KAZN: variants seen among roughly 807,000 people sequenced by gnomAD.
The protein encoded by KAZN is kazrin, periplakin interacting protein.
KAZN carries 40 observed loss-of-function variants against 87.4 expected under a neutral mutation model. The observed-to-expected ratio is 0.46, with a 90% CI of 0.36 to 0.60. The LOEUF is 0.60. Ranked by LOEUF, KAZN falls within the 20% of genes least tolerant of loss-of-function variation. KAZN has a pLI of 0.00. For synonymous variants in KAZN, 466 were observed against 458.3 expected (o/e 1.02, Z -0.22); for missense variants, 898 against 1,073.9 (o/e 0.84, Z 2.29).
chr1:14,120,184 G>C (rs1324690823), intron 1 of KAZN, among the ~76,000 whole-genome samples: 2 of 152,176 alleles, frequency 1.3e-5, no homozygotes, highest in African/African-American at 4.8e-5. Flanking sequence ...GCTGGCATCT[G>C]CTTGGCTTCT....
At chr1:14,312,735 A>G (rs922915849) in intron 2 of KAZN, among the ~76,000 whole-genome samples, 30 of 152,102 alleles carry the variant, frequency 2.0e-4, no homozygotes, top group African/African-American at 7.0e-4. Flanking sequence ...GGTGACTTCC[A>G]TCTTGGTGGC....
chr1:14,914,879 T>G (rs1022016369), intron 1 of KAZN, among the ~76,000 whole-genome samples: 2 of 152,216 alleles, frequency 1.3e-5, no homozygotes, highest in African/African-American at 4.8e-5. Context: ...ACTTACATAG[T>G]ACTTCTGGGG....
chr1:13,998,612 TAA>T (rs35049867), intron 1 of KAZN, among the ~76,000 whole-genome samples: 4 of 131,354 alleles, frequency 3.0e-5, no homozygotes, highest in Admixed American at 7.5e-5. Flanking sequence ...CCAAGAAAGA[TAA>T]AAAAAAAAAA....
At chr1:14,200,390 G>C (rs1392835236) in intron 2 of KAZN, among the ~76,000 whole-genome samples, 1 of 151,992 alleles carries the variant, frequency 6.6e-6, no homozygotes, top group Non-Finnish European at 1.5e-5. Context: ...AATTTCTATA[G>C]TATGTTATTT....
intron 1 of KAZN, among the ~76,000 whole-genome samples, chr1:14,628,967 C>T (rs1679354716): frequency 1.3e-5 from 2 of 151,968 alleles, no homozygotes; most frequent in South Asian, 4.2e-4. Flanking sequence ...CTGCCTCAGC[C>T]TCCCGAGTAG....
chr1:15,112,462 C>T lies in KAZN; in HGVS notation c.2084C>T (p.Thr695Met), dbSNP rs200310951. The T allele has an allele frequency of 5.0e-6, 8 of 1,606,854 alleles. No individual in the cohort carries two copies. Among genetic ancestry groups the T allele is most frequent in the Middle Eastern group, 1.7e-4 (1 of 6,034 alleles). ...ATCCGGGAGGCTGAGCGTTTTGGAA[C>T]GCCCCCTGGCAGGGCCTCCAGCGTC... ...TGIREAERFG[T>M]PPGRASSVTR... The change falls in exon 14 of 15, where the codon ACG becomes ATG. Residue 695 changes from threonine (T) to methionine (M), a missense_variant. Physicochemically the swap from Thr to Met is moderately conservative, Grantham distance 81. Coordinates refer to ENST00000376030, the MANE Select transcript of KAZN (RefSeq NM_201628.3).
At chr1:14,322,304 A>C (rs940019966) in intron 2 of KAZN, among the ~76,000 whole-genome samples, 5 of 152,142 alleles carry the variant, frequency 3.3e-5, no homozygotes, top group African/African-American at 1.2e-4. Context: ...CAAGTATGAA[A>C]CAATGACGTG....
At chr1:14,493,041 C>T (rs1408872760) in intron 2 of KAZN, among the ~76,000 whole-genome samples, 3 of 152,098 alleles carry the variant, frequency 2.0e-5, no homozygotes, top group Non-Finnish European at 4.4e-5. Context: ...ACAGCTTGTC[C>T]CCCACCTCTC....
At chr1:14,683,359 C>A (rs572479461) in intron 1 of KAZN, among the ~76,000 whole-genome samples, 5 of 152,294 alleles carry the variant, frequency 3.3e-5, no homozygotes, top group Non-Finnish European at 5.9e-5. Flanking sequence ...ATTAATGGGA[C>A]GTGACTGCAG....
At chr1:14,827,583 A>C (rs1162390363) in intron 1 of KAZN, among the ~76,000 whole-genome samples, 1 of 152,190 alleles carries the variant, frequency 6.6e-6, no homozygotes, top group African/African-American at 2.4e-5. Flanking sequence ...AAAATTGCTT[A>C]GGGCTGAGCT....
At chr1:14,241,340 A>G (rs1229044313) in intron 2 of KAZN, among the ~76,000 whole-genome samples, 1 of 152,202 alleles carries the variant, frequency 6.6e-6, no homozygotes, top group Non-Finnish European at 1.5e-5. Flanking sequence ...TGGCTGCCCC[A>G]TTCATTGACA....
intron 4 of KAZN, among the ~76,000 whole-genome samples, chr1:15,049,123 C>T (rs1277282361): frequency 6.6e-6 from 1 of 152,202 alleles, no homozygotes; most frequent in Non-Finnish European, 1.5e-5. Context: ...GACGGGAGTC[C>T]AGCCATGGCC....
chr1:14,007,584 A>G (rs141664675), intron 1 of KAZN, among the ~76,000 whole-genome samples: 2,417 of 152,332 alleles, frequency 0.016, 62 homozygotes, highest in African/African-American at 0.056. Context: ...CTAAAATACA[A>G]AAAGTCAGTG....
intron 2 of KAZN, among the ~76,000 whole-genome samples, chr1:14,993,601 C>G (rs367963354): frequency 5.3e-4 from 81 of 152,326 alleles, no homozygotes; most frequent in Non-Finnish European, 8.2e-4. Context: ...CACTCTCCCC[C>G]ACTCCCCGCC....
At chr1:14,040,755 A>G (rs1641799992) in intron 1 of KAZN, among the ~76,000 whole-genome samples, 1 of 152,022 alleles carries the variant, frequency 6.6e-6, no homozygotes, top group Non-Finnish European at 1.5e-5. Context: ...ACAGAGCGAG[A>G]CTTCATCTCA....
intron 2 of KAZN, among the ~76,000 whole-genome samples, chr1:15,023,312 G>C (rs150470266): frequency 1.1e-3 from 173 of 152,342 alleles, no homozygotes; most frequent in Admixed American, 1.8e-3. Context: ...TGTTAAGTTG[G>C]TGGCCAGTTC....
chr1:13,932,163 T>A (rs1244828968), intron 1 of KAZN, among the ~76,000 whole-genome samples: 1 of 151,902 alleles, frequency 6.6e-6, no homozygotes, highest in East Asian at 1.9e-4. Context: ...CAGTCAAGTT[T>A]TACATTTAAT....
At chr1:14,675,573 C>T (rs1640168975) in intron 1 of KAZN, among the ~76,000 whole-genome samples, 1 of 152,176 alleles carries the variant, frequency 6.6e-6, no homozygotes, top group Non-Finnish European at 1.5e-5. Context: ...TCTCCCCACT[C>T]CAATCTACCA....
chr1:14,840,199 C>T (rs1647791527), intron 1 of KAZN, among the ~76,000 whole-genome samples: 1 of 152,144 alleles, frequency 6.6e-6, no homozygotes. Flanking sequence ...CAAGTACGCT[C>T]CTCTGCAGAG....
Sources: allele counts gnomAD v4.1 joint callset (sites outside exome capture counted in the v4.1 genomes callset), GRCh38; gene constraint gnomAD v4.1.1; transcripts MANE v1.5; gene names NCBI Gene and HGNC (gene_info 2026-07-23, HGNC 2026-07-21).